The following SHISA9 variants were observed in gnomAD, a reference collection of about 807,000 sequenced individuals.
SHISA9 encodes the protein protein shisa-9.
SHISA9 carries 13 observed loss-of-function variants against 38.0 expected under a neutral mutation model. The ratio of observed to expected loss-of-function variants is 0.34; its 90% CI spans 0.22 to 0.54. The LOEUF (loss-of-function observed/expected upper bound fraction) is 0.54. Among genes scored for constraint, SHISA9 ranks in the 20% least tolerant of loss-of-function variants. The pLI, the probability that SHISA9 is intolerant of heterozygous loss-of-function variation, is 0.91. For missense variants in SHISA9, 538 were observed against 575.8 expected (o/e 0.93, Z 0.67); for synonymous variants, 275 against 242.0 (o/e 1.14, Z -1.27).
chr16:13,432,069 C>T, the SHISA9 span, among the ~76,000 whole-genome samples: 1 of 152,180 alleles, frequency 6.6e-6, no homozygotes, highest in East Asian at 1.9e-4. Context: ...TCGAAACAAA[C>T]AAAAAAGCTT....
intron 2 of SHISA9, among the ~76,000 whole-genome samples, chr16:12,924,028 A>G (rs2071363764): frequency 6.6e-6 from 1 of 150,852 alleles, no homozygotes; most frequent in South Asian, 2.1e-4. Flanking sequence ...TGAGAAAAGC[A>G]TCTTTTCTTA....
chr16:13,030,778 A>C (rs922887334), intron 2 of SHISA9, among the ~76,000 whole-genome samples: 3 of 152,226 alleles, frequency 2.0e-5, no homozygotes, highest in Non-Finnish European at 4.4e-5. Context: ...TCTTTAATAA[A>C]TGCAGCTTTC....
At chr16:13,364,362 A>G in the SHISA9 span, among the ~76,000 whole-genome samples, 1 of 152,244 alleles carries the variant, frequency 6.6e-6, no homozygotes, top group Non-Finnish European at 1.5e-5. Context: ...TAGGCAAGAG[A>G]TGCCCTGAGA....
At chr16:13,261,365 T>C in the SHISA9 span, among the ~76,000 whole-genome samples, 1 of 152,176 alleles carries the variant, frequency 6.6e-6, no homozygotes, top group Admixed American at 6.5e-5. Context: ...ATGGTGATGA[T>C]GGATATCATG....
chr16:13,461,867 C>A, the SHISA9 span, among the ~76,000 whole-genome samples: 1 of 151,934 alleles, frequency 6.6e-6, no homozygotes, highest in South Asian at 2.1e-4. Context: ...CCCACCTCGG[C>A]CTCCCAAAGT....
At chr16:13,187,542 C>A (rs1273332235) in intron 2 of SHISA9, among the ~76,000 whole-genome samples, 1 of 151,802 alleles carries the variant, frequency 6.6e-6, no homozygotes, top group Non-Finnish European at 1.5e-5. Context: ...CCCATGTTGG[C>A]CAGGCTGGTC....
chr16:13,125,013 G>C (rs1210315548), intron 2 of SHISA9, among the ~76,000 whole-genome samples: 1 of 152,028 alleles, frequency 6.6e-6, no homozygotes, highest in Admixed American at 6.6e-5. Context: ...ACTATGAAAT[G>C]ACTACAAAAA....
At chr16:13,476,234 G>A in the SHISA9 span, among the ~76,000 whole-genome samples, 1 of 152,092 alleles carries the variant, frequency 6.6e-6, no homozygotes. Flanking sequence ...AAGTATCAAA[G>A]AGCTGAAACT....
intron 2 of SHISA9, among the ~76,000 whole-genome samples, chr16:12,978,949 A>G (rs1198910300): frequency 6.6e-6 from 1 of 152,210 alleles, no homozygotes; most frequent in African/African-American, 2.4e-5. Context: ...TTCCATAATG[A>G]AATGTTGGGG....
intron 2 of SHISA9, among the ~76,000 whole-genome samples, chr16:13,049,616 A>G (rs1388928356): frequency 6.6e-6 from 1 of 152,202 alleles, no homozygotes; most frequent in African/African-American, 2.4e-5. Flanking sequence ...TCTTGACAGC[A>G]TGATTTTTTT....
chr16:13,174,285 C>T (rs930522190), intron 2 of SHISA9, among the ~76,000 whole-genome samples: 2 of 152,172 alleles, frequency 1.3e-5, no homozygotes, highest in African/African-American at 2.4e-5. Context: ...ACATGACTCT[C>T]CTCTGGTCCT....
At chr16:12,997,659 G>A (rs1055513109) in intron 2 of SHISA9, among the ~76,000 whole-genome samples, 2 of 152,166 alleles carry the variant, frequency 1.3e-5, no homozygotes, top group Admixed American at 6.5e-5. Context: ...GCCCACCTCA[G>A]CCTCCCAAAG....
the SHISA9 span, among the ~76,000 whole-genome samples, chr16:13,472,739 A>G: frequency 6.6e-6 from 1 of 151,996 alleles, no homozygotes; most frequent in East Asian, 1.9e-4. Context: ...TTCATTTTTG[A>G]TAGTTTCTCT....
the SHISA9 span, among the ~76,000 whole-genome samples, chr16:13,524,546 T>C: frequency 1.9e-4 from 29 of 152,204 alleles, no homozygotes; most frequent in South Asian, 5.4e-3. Context: ...CTCAGGACAA[T>C]TGACATTTTG....
At chr16:13,019,920 TTTCTTTCTTTCTTTC>T (rs2072821936) in intron 2 of SHISA9, among the ~76,000 whole-genome samples, 2 of 88,596 alleles carry the variant, frequency 2.3e-5, no homozygotes, top group East Asian at 2.7e-4. Context: ...TCTTTCTTTC[TTTCTTTCTTTCTTTC>T]TTTCTTTCTT....
At chr16:13,026,222 A>T (rs2072920073) in intron 2 of SHISA9, among the ~76,000 whole-genome samples, 1 of 122,806 alleles carries the variant, frequency 8.1e-6, no homozygotes, top group Non-Finnish European at 1.7e-5. Flanking sequence ...TTGATTAGCA[A>T]CTCCCAATTT....
the SHISA9 span, among the ~76,000 whole-genome samples, chr16:13,289,529 A>G: frequency 6.6e-6 from 1 of 151,802 alleles, no homozygotes; most frequent in African/African-American, 2.4e-5. Context: ...AAGCAAACAA[A>G]CAAACAGAAA....
chr16:13,436,029 G>T, the SHISA9 span, among the ~76,000 whole-genome samples: 5 of 152,136 alleles, frequency 3.3e-5, no homozygotes, highest in Non-Finnish European at 7.4e-5. Flanking sequence ...CCAGTTGAAG[G>T]GTCAGCTATC....
chr16:13,554,845 C>T, the SHISA9 span, among the ~76,000 whole-genome samples: 1 of 152,132 alleles, frequency 6.6e-6, no homozygotes, highest in African/African-American at 2.4e-5. Flanking sequence ...CTGCAAGCTC[C>T]TGGCAGCCAT....
Sources: gnomAD v4.1 joint callset for allele counts (sites outside exome capture counted in the v4.1 genomes callset) on GRCh38, gnomAD v4.1.1 for gene constraint, MANE v1.5 for transcripts, NCBI Gene and HGNC (gene_info 2026-07-23, HGNC 2026-07-21) for gene names.